The following LRP1B variants were observed in gnomAD, a reference collection of about 807,000 sequenced individuals.
The protein encoded by LRP1B is low-density lipoprotein receptor-related protein 1B.
Under a neutral mutation model 556.6 loss-of-function variants are expected in LRP1B, and 217 were observed. That is an observed-to-expected ratio of 0.39 (90% CI 0.35 to 0.44). The LOEUF (loss-of-function observed/expected upper bound fraction) is 0.44. Among genes scored for constraint, LRP1B ranks in the 20% least tolerant of loss-of-function variants. The pLI, the probability that LRP1B is intolerant of heterozygous loss-of-function variation, is 1.00. For synonymous variants in LRP1B, 2,047 were observed against 1,865.8 expected, an observed-to-expected ratio of 1.10 and a Z score of -2.50; for missense variants, 5,053 against 5,620.8, an observed-to-expected ratio of 0.90 and a Z score of 3.23.
At chr2:140,468,084 T>A (rs895678418) in intron 60 of LRP1B, among the ~76,000 whole-genome samples, 7 of 151,900 alleles carry the variant, frequency 4.6e-5, no homozygotes, top group African/African-American at 1.5e-4. Context: ...ATTTTGGAGG[T>A]CTTCAAGGCT....
chr2:140,275,490 TGTG>T (rs1335217213), intron 84 of LRP1B, among the ~76,000 whole-genome samples: 4 of 151,988 alleles, frequency 2.6e-5, no homozygotes, highest in African/African-American at 7.2e-5. Context: ...GTCAGCCACA[TGTG>T]GTGAGCAGAG....
intron 59 of LRP1B, among the ~76,000 whole-genome samples, chr2:140,476,125 T>C (rs543563324): frequency 3.3e-5 from 5 of 152,192 alleles, no homozygotes; most frequent in African/African-American, 1.2e-4. Flanking sequence ...AAATAACGTA[T>C]AAGCGGCAGA....
chr2:141,614,082 A>G lies in LRP1B; in HGVS notation c.206-133549T>C, dbSNP rs200403088. Among the ~76,000 whole-genome samples the G allele has an allele frequency of 1.7e-3, 207 of 118,438 alleles. 1 individual carries two copies. The highest frequency in any genetic ancestry group is 0.014 in the Middle Eastern group (3 of 222). The allele number at this position is 118,438 out of a possible 152,430, so 77.7% of individuals were successfully genotyped here. On this transcript the variant is annotated intron_variant, in intron 2 of 90. Transcript: ENST00000389484. ...GCGATAAGAGCAAAACTCAGCCTCA[A>G]AAAAAAAAAAAAAAAAAAAGAAAGA...
intron 25 of LRP1B, among the ~76,000 whole-genome samples, chr2:140,873,991 T>C (rs1215360430): frequency 6.6e-6 from 1 of 151,636 alleles, no homozygotes; most frequent in Non-Finnish European, 1.5e-5. Context: ...TGAGAAAGAG[T>C]CTTGTATAGT....
intron 66 of LRP1B, among the ~76,000 whole-genome samples, chr2:140,388,055 G>C (rs1683841403): frequency 6.6e-6 from 1 of 151,484 alleles, no homozygotes; most frequent in African/African-American, 2.4e-5. Flanking sequence ...TCCTGCCTCA[G>C]CCTCCCGAGT....
chr2:141,242,244 G>A (rs1213200788), intron 5 of LRP1B, among the ~76,000 whole-genome samples: 3 of 152,066 alleles, frequency 2.0e-5, no homozygotes, highest in Admixed American at 6.6e-5. Context: ...TCTCCCACAG[G>A]CAGAATCAGC....
rs2105122213 is a variant in LRP1B, at chr2:140,353,042, C to T, written c.11561G>A (p.Cys3854Tyr). 6.2e-7 allele frequency: 1 copy of T among 1,612,920 alleles called. No individual in the cohort carries two copies. Among genetic ancestry groups the T allele is most frequent in the East Asian group, 2.2e-5 (1 of 44,642 alleles). The change falls in exon 76 of 91, where the codon TGT (cysteine) becomes TAT (tyrosine). Residue 3854 changes from cysteine to tyrosine, a missense_variant. Coordinates refer to ENST00000389484, the MANE Select transcript of LRP1B (RefSeq NM_018557.3). ...TTCCACATTTATACATTGATGGGAA[C>T]ATGTGCCAAACACCAAACATTCATT... is the stretch of plus-strand genomic sequence containing the variant. ...DLNECLVFGT[C>Y]SHQCINVEGS...
At chr2:141,620,172 T>G (rs1362109290) in intron 2 of LRP1B, among the ~76,000 whole-genome samples, 1 of 152,160 alleles carries the variant, frequency 6.6e-6, no homozygotes, top group Non-Finnish European at 1.5e-5. Flanking sequence ...AGGCTGGTTT[T>G]GAACTCATGG....
chr2:141,354,384 A>T (rs1004557589), intron 3 of LRP1B, among the ~76,000 whole-genome samples: 1 of 152,004 alleles, frequency 6.6e-6, no homozygotes, highest in African/African-American at 2.4e-5. Context: ...TACTGCCCAA[A>T]CCTATATCCT....
intron 5 of LRP1B, among the ~76,000 whole-genome samples, chr2:141,234,223 G>A (rs892749113): frequency 3.3e-5 from 5 of 151,804 alleles, no homozygotes; most frequent in Non-Finnish European, 7.4e-5. Context: ...TTATATAAAG[G>A]CTGTAAAAAT....
chr2:140,959,179 T>C (rs1362050501), intron 18 of LRP1B, among the ~76,000 whole-genome samples: 1 of 151,566 alleles, frequency 6.6e-6, no homozygotes, highest in Non-Finnish European at 1.5e-5. Flanking sequence ...TAAAGTTTTA[T>C]GCAACTTTTC....
chr2:140,301,265 C>A lies in LRP1B; in HGVS notation c.12806-3296G>T, dbSNP rs541667397. ...CAAATCTAATATCTGCCAAGTCCAT[C>A]TATTTGTACAGATTTTAATTTTGGT... is the stretch of plus-strand genomic sequence containing the variant. On this transcript the variant is annotated intron_variant, in intron 83 of 90. Transcript: ENST00000389484. Among the ~76,000 whole-genome samples the A allele has an allele frequency of 1.4e-3, 218 of 152,168 alleles. 3 individuals carry two copies. The highest frequency in any genetic ancestry group is 6.0e-3 in the South Asian group (29 of 4,810).
intron 2 of LRP1B, among the ~76,000 whole-genome samples, chr2:141,706,718 A>G (rs1428764112): frequency 6.6e-6 from 1 of 152,154 alleles, no homozygotes; most frequent in East Asian, 1.9e-4. Flanking sequence ...TTCTCTCTTA[A>G]TATCTCGTTA....
intron 66 of LRP1B, among the ~76,000 whole-genome samples, chr2:140,392,156 CAA>C (rs1684049838): frequency 6.6e-6 from 1 of 152,164 alleles, no homozygotes; most frequent in Non-Finnish European, 1.5e-5. Flanking sequence ...TTACATCAGG[CAA>C]ACCTGTCTTT....
chr2:141,535,161 TG>T (rs1291204008), intron 2 of LRP1B, among the ~76,000 whole-genome samples: 2 of 152,162 alleles, frequency 1.3e-5, no homozygotes, highest in Non-Finnish European at 2.9e-5. Flanking sequence ...TAGCGTCTGC[TG>T]GTAACACTTT....
chr2:140,632,990 G>A (rs1683942789), intron 41 of LRP1B, among the ~76,000 whole-genome samples: 1 of 151,768 alleles, frequency 6.6e-6, no homozygotes, highest in Non-Finnish European at 1.5e-5. Flanking sequence ...GCTAACCTGG[G>A]AGGCGGAGCT....
In LRP1B at chr2:140,495,623, G is replaced by A. The variant is rs2104873199; in HGVS notation, c.8976C>T (p.Leu2992=). The change falls in exon 56 of 91, where the codon CTC becomes CTT. Residue 2992 remains leucine (L), a synonymous_variant. Transcript: ENST00000389484. ...CINTYGTYKC[L]CTDGYEIQPD... ...GTTGTATTTCATACCCATCTGTACAGAGGCACTTGTAAGTCCCGTATGTAT... is the reference window on the plus strand; with the variant it reads ...GTTGTATTTCATACCCATCTGTACAAAGGCACTTGTAAGTCCCGTATGTAT... The A allele has an allele frequency of 6.2e-7, 1 of 1,613,826 alleles. No homozygotes were observed. Among genetic ancestry groups the A allele is most frequent in the Non-Finnish European group, 8.5e-7 (1 of 1,179,758 alleles).
intron 2 of LRP1B, among the ~76,000 whole-genome samples, chr2:141,619,055 C>T (rs1381793662): frequency 1.3e-5 from 2 of 152,148 alleles, no homozygotes; most frequent in Admixed American, 6.5e-5. Context: ...GAGTAACTCA[C>T]CTATTAGAGC....
At chr2:141,146,196 T>C (rs1233277207) in intron 7 of LRP1B, among the ~76,000 whole-genome samples, 1 of 152,076 alleles carries the variant, frequency 6.6e-6, no homozygotes, top group Non-Finnish European at 1.5e-5. Flanking sequence ...AGTGCTGGGA[T>C]TACAGGCATA....
Sources: gnomAD v4.1 joint callset for allele counts (sites outside exome capture counted in the v4.1 genomes callset) on GRCh38, gnomAD v4.1.1 for gene constraint, MANE v1.5 for transcripts, NCBI Gene and HGNC (gene_info 2026-07-23, HGNC 2026-07-21) for gene names.